The following TAF1 variants were observed in gnomAD, a reference collection of about 807,000 sequenced individuals.
The protein encoded by TAF1 is TATA-box binding protein associated factor 1, also known as transcription initiation factor TFIID subunit 1.
In TAF1, 2 loss-of-function variants were observed where a neutral mutation model predicts 138.5. The ratio of observed to expected loss-of-function variants is 0.01; its 90% CI spans 0.01 to 0.05. The LOEUF (loss-of-function observed/expected upper bound fraction) is 0.05, where lower values mean the gene tolerates loss of function less well. Ranked by LOEUF, TAF1 falls within the 10% of genes least tolerant of loss-of-function variation. TAF1 has a pLI of 1.00. For synonymous variants in TAF1, 437 were observed against 503.2 expected, an observed-to-expected ratio of 0.87 and a Z score of 1.76; for missense variants, 709 against 1,478.0, an observed-to-expected ratio of 0.48 and a Z score of 8.53.
chrX:71,436,627 A>G (rs2037161160), intron 32 of TAF1, among the ~76,000 whole-genome samples: 1 of 111,350 alleles, frequency 9.0e-6, no homozygotes, highest in African/African-American at 3.3e-5. Flanking sequence ...GATTACAGGC[A>G]TAAGCCAATG....
chrX:71,485,957 TTTTA>T (rs1284835176), intron 13 of TAF1, among the ~76,000 whole-genome samples: 3 of 110,267 alleles, frequency 2.7e-5, no homozygotes, highest in African/African-American at 6.6e-5. Flanking sequence ...CGTTTTTTCT[TTTTA>T]TTTATTTATT....
intron 13 of TAF1, among the ~76,000 whole-genome samples, chrX:71,500,738 T>C (rs141354522): frequency 0.019 from 2,024 of 107,849 alleles, 47 homozygotes; most frequent in African/African-American, 0.066. Context: ...CCTGTTAGTA[T>C]TGGGACCTTA....
At chrX:71,381,621 A>G (rs761895394) in intron 8 of TAF1, 122 bp from the exon 9 acceptor site, 4 of 769,091 alleles carry the variant, frequency 5.2e-6, no homozygotes, top group Admixed American at 3.0e-5. Context: ...CAGTGGACAC[A>G]TGAATAACTC....
intron 25 of TAF1, among the ~76,000 whole-genome samples, chrX:71,404,392 C>T (rs1405629487): frequency 1.8e-5 from 2 of 111,249 alleles, no homozygotes; most frequent in African/African-American, 6.5e-5. Context: ...TGCTCTGTCA[C>T]CCAGGCTGGA....
At chrX:71,525,246 T>C (rs1020932329) in intron 13 of TAF1, among the ~76,000 whole-genome samples, 2 of 110,819 alleles carry the variant, frequency 1.8e-5, no homozygotes, top group African/African-American at 6.6e-5. Context: ...TTCACCATGT[T>C]GGCCAGGCTG....
At chrX:71,374,271 T>C (rs1249719568) in intron 3 of TAF1, among the ~76,000 whole-genome samples, 1 of 110,229 alleles carries the variant, frequency 9.1e-6, no homozygotes, top group Non-Finnish European at 1.9e-5. Flanking sequence ...TTGACAGAGA[T>C]GGGGTTTTGT....
intron 32 of TAF1, among the ~76,000 whole-genome samples, 176 bp downstream of exon 32, chrX:71,424,414 C>CTTTTTTT (rs140301261): frequency 3.3e-5 from 1 of 29,933 alleles, no homozygotes; most frequent in African/African-American, 1.5e-4. Flanking sequence ...GTGCCAGGCT[C>CTTTTTTT]TTTTTTTTTT....
chrX:71,386,381 G>A (rs954237232), intron 14 of TAF1, among the ~76,000 whole-genome samples: 7 of 111,545 alleles, frequency 6.3e-5, no homozygotes, highest in African/African-American at 2.3e-4. Flanking sequence ...CTGTTCAGCT[G>A]TCCTCTGTCC....
At chrX:71,441,956 T>G (rs2037451059) in intron 32 of TAF1, among the ~76,000 whole-genome samples, 1 of 109,978 alleles carries the variant, frequency 9.1e-6, no homozygotes, top group African/African-American at 3.3e-5. Flanking sequence ...CTCAGAATGA[T>G]GGTTTCCAGC....
intron 4 of TAF1, among the ~76,000 whole-genome samples, chrX:71,376,357 G>A (rs778098770): frequency 3.6e-5 from 4 of 111,222 alleles, no homozygotes; most frequent in Non-Finnish European, 5.7e-5. Context: ...CACAACATTG[G>A]TTACAATATT....
At chrX:71,442,485 A>C (rs1352719113) in intron 32 of TAF1, among the ~76,000 whole-genome samples, 1 of 112,115 alleles carries the variant, frequency 8.9e-6, no homozygotes, top group African/African-American at 3.2e-5. Flanking sequence ...GTCTGTTCAT[A>C]TCATTTGCCC....
At position 71,464,864 on chromosome X, in the gene TAF1, A is replaced by G. The variant is rs1160260070; in HGVS notation, c.*818A>G. 1 of 111,913 alleles carries G rather than the reference A, an allele frequency of 8.9e-6. No homozygotes were observed. Among genetic ancestry groups the G allele is most frequent in the Non-Finnish European group, 1.9e-5 (1 of 53,245 alleles). 9.2% of individuals were successfully genotyped at this position (111,913 alleles called of 1,213,427 possible). A position where few individuals can be genotyped will look rare whatever the true frequency, so the allele number is the denominator to read the frequency against. On this transcript the variant is annotated 3_prime_UTR_variant, in exon 38 of 38. Coordinates refer to ENST00000423759, the MANE Select transcript of TAF1 (RefSeq NM_004606.5). ...AAACCGCCCATTATTTTATTATTTA[A>G]TTATGCAATGCCTAGTTCCTAAATG...
downstream of TAF1, among the ~76,000 whole-genome samples, chrX:71,467,006 C>T (rs2038773721): frequency 1.0e-5 from 1 of 96,303 alleles, no homozygotes; most frequent in African/African-American, 4.0e-5. Context: ...GAATGCTTCA[C>T]AGAGGAGACC....
At chrX:71,422,524 C>G (rs1439681527) in intron 29 of TAF1, among the ~76,000 whole-genome samples, 1 of 101,570 alleles carries the variant, frequency 9.8e-6, no homozygotes, top group Non-Finnish European at 2.0e-5. Flanking sequence ...TGGGGTTTTG[C>G]CATGTTGGCC....
At chrX:71,377,961 T>C (rs2033600611) in intron 6 of TAF1, 140 bp downstream of exon 6, 1 of 819,135 alleles carries the variant, frequency 1.2e-6, no homozygotes. Flanking sequence ...TAATCATGGG[T>C]TCAATCTCAG....
chrX:71,452,546 G>A (rs964103135), intron 32 of TAF1, among the ~76,000 whole-genome samples: 6 of 109,138 alleles, frequency 5.5e-5, no homozygotes, highest in Non-Finnish European at 1.1e-4. Context: ...GTGGGATGGC[G>A]GCCGGGTAGA....
chrX:71,399,604 C>T (rs1488207775), intron 24 of TAF1, among the ~76,000 whole-genome samples: 2 of 82,867 alleles, frequency 2.4e-5, no homozygotes, highest in Non-Finnish European at 4.5e-5. Flanking sequence ...CAGTGTCTCA[C>T]TCTGTTACCC....
At chrX:71,435,163 T>C (rs1240506633) in intron 32 of TAF1, among the ~76,000 whole-genome samples, 2 of 112,163 alleles carry the variant, frequency 1.8e-5, no homozygotes, top group Non-Finnish European at 3.8e-5. Flanking sequence ...AGGTAGAACA[T>C]GTGTCATGAA....
At chrX:71,379,343 C>T (rs1010864338) in intron 8 of TAF1, among the ~76,000 whole-genome samples, 18 of 108,141 alleles carry the variant, frequency 1.7e-4, no homozygotes, top group Admixed American at 9.1e-4. Flanking sequence ...CTCGAACTCC[C>T]GACCTCAGGT....
Sources: allele counts gnomAD v4.1 joint callset (sites outside exome capture counted in the v4.1 genomes callset), GRCh38; gene constraint gnomAD v4.1.1; transcripts MANE v1.5; gene names NCBI Gene and HGNC (gene_info 2026-07-23, HGNC 2026-07-21).